Variants in UBE2E2 observed in about 807,000 individuals in gnomAD.
UBE2E2 encodes the protein ubiquitin-conjugating enzyme E2 E2.
UBE2E2 carries 6 observed loss-of-function variants against 24.7 expected under a neutral mutation model. The observed-to-expected ratio is 0.24, with a 90% CI of 0.13 to 0.48. UBE2E2 has a LOEUF of 0.48. UBE2E2 is among the 20% of genes least tolerant of loss of function. The probability of loss-of-function intolerance (pLI) is 0.99; values close to 1 mark genes in which losing one functional copy is unlikely to be tolerated. For synonymous variants in UBE2E2, 104 were observed against 83.6 expected, an observed-to-expected ratio of 1.24 and a Z score of -1.33; for missense variants, 169 against 245.0, an observed-to-expected ratio of 0.69 and a Z score of 2.07.
At chr3:23,364,467 A>C (rs1424542069) in intron 3 of UBE2E2, among the ~76,000 whole-genome samples, 2 of 152,144 alleles carry the variant, frequency 1.3e-5, no homozygotes, top group Non-Finnish European at 2.9e-5. Flanking sequence ...ACAGAAATAC[A>C]AAAAAACCCC....
chr3:23,367,454 C>T (rs1399800804), intron 3 of UBE2E2, among the ~76,000 whole-genome samples: 1 of 152,082 alleles, frequency 6.6e-6, no homozygotes, highest in African/African-American at 2.4e-5. Flanking sequence ...TTTAATCAAT[C>T]ATGCTTATGT....
chr3:23,354,881 A>ATAT (rs1287672150), intron 3 of UBE2E2, among the ~76,000 whole-genome samples: 1 of 152,244 alleles, frequency 6.6e-6, no homozygotes, highest in Non-Finnish European at 1.5e-5. Flanking sequence ...ATTACTGGGT[A>ATAT]TATACCCAAA....
intron 4 of UBE2E2, among the ~76,000 whole-genome samples, chr3:23,510,853 A>C (rs1253015154): frequency 1.3e-5 from 2 of 152,214 alleles, no homozygotes; most frequent in Non-Finnish European, 2.9e-5. Flanking sequence ...TGATATATAA[A>C]GATGAGTAAG....
intron 3 of UBE2E2, among the ~76,000 whole-genome samples, chr3:23,264,426 A>G (rs892738968): frequency 5.9e-5 from 9 of 152,040 alleles, no homozygotes; most frequent in Non-Finnish European, 8.8e-5. Flanking sequence ...CATAAAACCT[A>G]TTTCTTAGGA....
At chr3:23,351,044 G>T (rs1218275374) in intron 3 of UBE2E2, among the ~76,000 whole-genome samples, 1 of 152,232 alleles carries the variant, frequency 6.6e-6, no homozygotes, top group East Asian at 1.9e-4. Flanking sequence ...TCTCTCGGCA[G>T]AAACTCTACA....
intron 3 of UBE2E2, among the ~76,000 whole-genome samples, chr3:23,400,474 C>A (rs1697191706): frequency 6.6e-6 from 1 of 151,904 alleles, no homozygotes; most frequent in Admixed American, 6.6e-5. Context: ...CCAGCTCTGC[C>A]CATTTAATGT....
intron 3 of UBE2E2, among the ~76,000 whole-genome samples, chr3:23,488,789 G>A (rs999588018): frequency 6.6e-6 from 1 of 152,144 alleles, no homozygotes; most frequent in African/African-American, 2.4e-5. Context: ...ACAGGTGGGA[G>A]GTGGGGGCGG....
chr3:23,496,643 G>A (rs1458850526), intron 3 of UBE2E2, among the ~76,000 whole-genome samples: 3 of 152,070 alleles, frequency 2.0e-5, no homozygotes, highest in African/African-American at 4.8e-5. Flanking sequence ...TCCTTTGGGT[G>A]GATTTACCCA....
chr3:23,235,699 G>A (rs1203439829), intron 3 of UBE2E2, among the ~76,000 whole-genome samples: 1 of 152,094 alleles, frequency 6.6e-6, no homozygotes, highest in Non-Finnish European at 1.5e-5. Flanking sequence ...ATTTGCTGAT[G>A]GGTAAATGGC....
intron 4 of UBE2E2, among the ~76,000 whole-genome samples, chr3:23,516,144 A>G (rs369493646): frequency 6.6e-6 from 1 of 152,238 alleles, no homozygotes; most frequent in East Asian, 1.9e-4. Flanking sequence ...ACACTGTTCT[A>G]TTACTGTATT....
chr3:23,306,293 A>G (rs1343554534), intron 3 of UBE2E2, among the ~76,000 whole-genome samples: 1 of 152,164 alleles, frequency 6.6e-6, no homozygotes, highest in African/African-American at 2.4e-5. Context: ...CATTGCTGTA[A>G]ATTTGGTATG....
At chr3:23,568,726 T>TATAC (rs1206848491) in intron 5 of UBE2E2, among the ~76,000 whole-genome samples, 132 of 132,318 alleles carry the variant, frequency 1.0e-3, no homozygotes, top group South Asian at 2.5e-3. Context: ...TACACATATA[T>TATAC]ATGTATACAT....
intron 3 of UBE2E2, among the ~76,000 whole-genome samples, chr3:23,290,431 T>G (rs1403261628): frequency 1.3e-5 from 2 of 152,190 alleles, no homozygotes; most frequent in Non-Finnish European, 2.9e-5. Context: ...GGGCCTAAGA[T>G]TCTAACAAGC....
rs977537501 is a variant in UBE2E2, at chr3:23,537,015, C to T, written c.508+4314C>T. Among the ~76,000 whole-genome samples, 18 of 152,260 alleles carry T rather than the reference C, an allele frequency of 1.2e-4. No homozygotes were observed. The South Asian group carries it at 1.5e-3, about 12-fold the overall frequency. On this transcript the variant is annotated intron_variant, in intron 5 of 5. Transcript: ENST00000396703. The stretch of plus-strand genomic sequence containing the variant: ...TTGATCTAAACAAGGGTTAATTTCC[C>T]GTGGCATACAGTACTTCATTTTGCT...
At chr3:23,287,279 C>A (rs565251118) in intron 3 of UBE2E2, among the ~76,000 whole-genome samples, 1 of 152,074 alleles carries the variant, frequency 6.6e-6, no homozygotes, top group Non-Finnish European at 1.5e-5. Flanking sequence ...TTCCACTTGG[C>A]CATGATAAAA....
chr3:23,469,618 C>T (rs942421789), intron 3 of UBE2E2, among the ~76,000 whole-genome samples: 1 of 152,116 alleles, frequency 6.6e-6, no homozygotes, highest in African/African-American at 2.4e-5. Flanking sequence ...CAGAGTTGAA[C>T]CTGCCAAGTT....
intron 5 of UBE2E2, among the ~76,000 whole-genome samples, chr3:23,552,710 C>G (rs1226368423): frequency 3.9e-5 from 6 of 152,146 alleles, no homozygotes; most frequent in Non-Finnish European, 8.8e-5. Flanking sequence ...TGTGGCATTT[C>G]TGTTAGCTGA....
chr3:23,290,335 A>T (rs1376537391), intron 3 of UBE2E2, among the ~76,000 whole-genome samples: 1 of 152,184 alleles, frequency 6.6e-6, no homozygotes, highest in African/African-American at 2.4e-5. Flanking sequence ...GCTAGTCTAG[A>T]TCACTGTTTC....
chr3:23,446,097 T>A (rs1470211416), intron 3 of UBE2E2, among the ~76,000 whole-genome samples: 21 of 152,194 alleles, frequency 1.4e-4, no homozygotes. Context: ...CTACAGAGTC[T>A]TCTTTATCAC....
Sources: allele counts gnomAD v4.1 joint callset (sites outside exome capture counted in the v4.1 genomes callset), GRCh38; gene constraint gnomAD v4.1.1; transcripts MANE v1.5; gene names NCBI Gene and HGNC (gene_info 2026-07-23, HGNC 2026-07-21).